ELAVL4: variants seen among roughly 807,000 people sequenced by gnomAD.
The protein encoded by ELAVL4 is ELAV like RNA binding protein 4.
A neutral mutation model predicts 35.6 loss-of-function variants in ELAVL4; 1 was observed. That is an observed-to-expected ratio of 0.03 (90% CI 0.01 to 0.13). ELAVL4 has a LOEUF of 0.13. ELAVL4 is among the 10% of genes least tolerant of loss of function. The pLI is 1.00. For synonymous variants in ELAVL4, 156 were observed against 171.0 expected (o/e 0.91, Z 0.69); for missense variants, 267 against 464.9 (o/e 0.57, Z 3.91).
At chr1:50,190,383 GA>G (rs953044682) in intron 3 of ELAVL4, among the ~76,000 whole-genome samples, 7 of 152,198 alleles carry the variant, frequency 4.6e-5, no homozygotes, top group African/African-American at 1.7e-4. Context: ...CATGTATATG[GA>G]AAGTTGAAAA....
rs71751816 is a variant in ELAVL4 at position 50,080,416 on chromosome 1, T to TCACA, written c.18+32254_18+32257dup. On this transcript the variant is annotated intron_variant, in intron 1 of 6. Coordinates refer to the ELAVL4 transcript ENST00000448907. Reference sequence around the variant, plus strand: ...TCAAAGGTGTAATATGTTGTTGATTTCACACACACACACACACACACACTC... The same window carrying TCACA: ...TCAAAGGTGTAATATGTTGTTGATTTCACACACACACACACACACACACACACTC... 9.5e-3 allele frequency among the ~76,000 whole-genome samples: 1,419 copies of TCACA among 149,504 alleles called. 18 individuals are homozygous for TCACA. The highest frequency in any genetic ancestry group is 0.026 in the African/African-American group (1,054 of 40,856).
chr1:50,063,504 T>C (rs1370346239), intron 1 of ELAVL4, among the ~76,000 whole-genome samples: 1 of 152,180 alleles, frequency 6.6e-6, no homozygotes, highest in Non-Finnish European at 1.5e-5. Flanking sequence ...GGCCACTGTC[T>C]CCAGATCTCT....
At position 50,111,131 on chromosome 1, in the gene ELAVL4, T is replaced by TTG. The variant is rs1470779298; in HGVS notation, c.9+1944_9+1945dup. 4.0e-5 allele frequency among the ~76,000 whole-genome samples: 6 copies of TTG among 151,770 alleles called. No individual in the cohort carries two copies. In the South Asian group the frequency reaches 8.3e-4, roughly 21 times the overall value. On this transcript the variant is annotated intron_variant, in intron 1 of 6. Transcript: ENST00000371824. ...AGCATCTGTTCTGTCTCCCCTGTTT[T>TTG]TGTGTGTGTGTGCGTGTGTGTGTGC...
intron 1 of ELAVL4, among the ~76,000 whole-genome samples, chr1:50,077,453 C>T (rs1450077830): frequency 6.6e-6 from 1 of 152,152 alleles, no homozygotes; most frequent in Admixed American, 6.5e-5. Context: ...TTGTTCTATT[C>T]AGGCCTTCAA....
chr1:50,156,359 A>G (rs1369680297), intron 2 of ELAVL4, among the ~76,000 whole-genome samples: 1 of 152,232 alleles, frequency 6.6e-6, no homozygotes, highest in African/African-American at 2.4e-5. Context: ...ATGCGAAGGC[A>G]CTTTGTAAAT....
intron 1 of ELAVL4, among the ~76,000 whole-genome samples, chr1:50,089,704 A>G (rs1254815239): frequency 6.6e-6 from 1 of 152,228 alleles, no homozygotes; most frequent in Non-Finnish European, 1.5e-5. Context: ...GCAGTGAGCC[A>G]TGATTGCACC....
At chr1:50,165,734 G>A (rs1003668958) in intron 2 of ELAVL4, among the ~76,000 whole-genome samples, 1 of 140,194 alleles carries the variant, frequency 7.1e-6, no homozygotes, top group Non-Finnish European at 1.5e-5. Context: ...ACATGTATAT[G>A]TGTGTATATA....
chr1:50,153,396 AT>A (rs1675141669), intron 2 of ELAVL4, among the ~76,000 whole-genome samples: 2 of 152,164 alleles, frequency 1.3e-5, no homozygotes, highest in Non-Finnish European at 2.9e-5. Context: ...TTTTATTCCC[AT>A]TTTGCAGATG....
chr1:50,145,057 C>T lies in ELAVL4; in HGVS notation c.110C>T (p.Thr37Ile), dbSNP rs577777036. 10 of 1,613,974 alleles carry T rather than the reference C, an allele frequency of 6.2e-6. No homozygotes were observed. In the South Asian group the frequency reaches 9.9e-5, roughly 16 times the overall value. Residue 37 changes from threonine (T) to isoleucine (I), a missense_variant, in exon 2 of 7, where the codon ACA (threonine) becomes ATA (isoleucine). By Grantham distance (89) the Thr-to-Ile change is moderately conservative. This residue lies in a region of ELAVL4 where 51 missense variants were observed against 55.4 expected (regional missense o/e 0.92). Transcript: ENST00000371824. ...AGAAACTGTCCTTCTCCCATGCAAA[C>T]AGGGGCAACCACAGATGACAGCAAA... ...NNRNCPSPMQTGATTDDSKTN... is the reference protein window; with the variant it reads ...NNRNCPSPMQIGATTDDSKTN...
At chr1:50,176,997 T>C (rs2148826476) in intron 2 of ELAVL4, 92 bp from the exon 3 acceptor site, 3 of 1,037,056 alleles carry the variant, frequency 2.9e-6, no homozygotes, top group Non-Finnish European at 4.3e-6. Flanking sequence ...AAGTGTTGCC[T>C]CTATAAAGAT....
chr1:50,109,729 T>G, intron 1 of ELAVL4: 1 of 590,894 alleles, frequency 1.7e-6, no homozygotes, highest in Non-Finnish European at 3.0e-6. Flanking sequence ...TATTTGGGCT[T>G]CAGTAAATGC....
At chr1:50,192,519 G>GCACACACGCACACA (rs1553190644) in intron 3 of ELAVL4, among the ~76,000 whole-genome samples, 1 of 140,336 alleles carries the variant, frequency 7.1e-6, no homozygotes, top group Non-Finnish European at 1.5e-5. Context: ...TTGTGTGCAC[G>GCACACACGCACACA]CACACACACA....
In ELAVL4 at chr1:50,201,654, T is replaced by G. The variant is rs1644399111; in HGVS notation, c.*476T>G. 1 of 151,994 alleles carries G rather than the reference T, an allele frequency of 6.6e-6. No individual in the cohort carries two copies. The highest frequency in any genetic ancestry group is 6.5e-5 in the Admixed American group (1 of 15,278). 9.4% of individuals were successfully genotyped at this position (151,994 alleles called of 1,614,324 possible). ...AAAGGAAAAAAAGATTTTTCTTTTT[T>G]GTCAAAATATCGATCCAATCAGATT... On this transcript the variant is annotated 3_prime_UTR_variant, in exon 7 of 7. Transcript: ENST00000371824. The surrounding 1 kb of genome is among the most constrained non-coding windows in gnomAD (Gnocchi z 4.3).
At chr1:50,133,122 G>A (rs1008812701) in intron 1 of ELAVL4, among the ~76,000 whole-genome samples, 7 of 152,080 alleles carry the variant, frequency 4.6e-5, no homozygotes, top group Middle Eastern at 3.2e-3. Context: ...GGCTGTTTCC[G>A]TTTTTCTCAC....
chr1:50,195,205 T>C (rs1191634823), intron 4 of ELAVL4, among the ~76,000 whole-genome samples: 1 of 152,212 alleles, frequency 6.6e-6, no homozygotes, highest in Non-Finnish European at 1.5e-5. Context: ...TTCAAATAGA[T>C]TGCACACTAG....
intron 1 of ELAVL4, among the ~76,000 whole-genome samples, chr1:50,086,676 A>C (rs2148501418): frequency 6.6e-6 from 1 of 152,214 alleles, no homozygotes; most frequent in Non-Finnish European, 1.5e-5. Context: ...TATAAGAGAT[A>C]TATTTTCAGA....
rs1254212731 is a variant in ELAVL4, at chr1:50,200,956, T to C, written c.879T>C (p.Asp293=). The C allele has an allele frequency of 1.9e-6, 3 of 1,613,934 alleles. No individual in the cohort carries two copies. The South Asian group carries it at 3.3e-5, about 18-fold the overall frequency. Residue 293 remains aspartate, a synonymous_variant, in exon 7 of 7, where the codon GAT becomes GAC. Coordinates refer to ENST00000371824, the MANE Select transcript of ELAVL4 (RefSeq NM_001144774.3). ...TCTTTGTCTACAACCTGTCCCCCGA[T>C]TCCGATGAGAGTGTCCTCTGGCAGC... The part of the protein sequence containing the change: ...WCIFVYNLSP[D]SDESVLWQLF...
chr1:50,169,366 A>G (rs1249250502), intron 2 of ELAVL4, among the ~76,000 whole-genome samples: 1 of 152,098 alleles, frequency 6.6e-6, no homozygotes, highest in African/African-American at 2.4e-5. Flanking sequence ...AATCAAGTTG[A>G]CGCTCAGTAT....
At chr1:50,080,481 TC>T (rs1664959725) in intron 1 of ELAVL4, among the ~76,000 whole-genome samples, 1 of 152,092 alleles carries the variant, frequency 6.6e-6, no homozygotes, top group Non-Finnish European at 1.5e-5. Context: ...TTCTCTGAAT[TC>T]CATCATCATT....
Sources: gnomAD v4.1 joint callset for allele counts (sites outside exome capture counted in the v4.1 genomes callset) on GRCh38, gnomAD v4.1.1 for gene constraint, gnomAD v4.1.1 regional missense constraint, Gnocchi (gnomAD v3.1) non-coding constraint, MANE v1.5 for transcripts, NCBI Gene and HGNC (gene_info 2026-07-23, HGNC 2026-07-21) for gene names.